Variants in DUSP4 observed in about 807,000 individuals in gnomAD.
DUSP4 encodes dual specificity phosphatase 4, also known as dual specificity protein phosphatase 4.
A neutral mutation model predicts 27.2 loss-of-function variants in DUSP4; 12 were observed. The ratio of observed to expected loss-of-function variants is 0.44; its 90% CI spans 0.28 to 0.71. DUSP4 has a LOEUF of 0.71. Ranked by LOEUF, DUSP4 falls within the 30% of genes least tolerant of loss-of-function variation. The pLI, the probability that DUSP4 is intolerant of heterozygous loss-of-function variation, is 0.14. For synonymous variants in DUSP4, 257 were observed against 245.2 expected (o/e 1.05, Z -0.45); for missense variants, 448 against 551.3 (o/e 0.81, Z 1.88).
intron 2 of DUSP4, among the ~76,000 whole-genome samples, chr8:29,339,048 T>G (rs1159829452): frequency 6.6e-6 from 1 of 152,128 alleles, no homozygotes; most frequent in African/African-American, 2.4e-5. Flanking sequence ...GCTGGCATGA[T>G]GGTGCACACC....
chr8:29,338,599 AC>A (rs1446710288), intron 2 of DUSP4, 98 bp from the exon 3 acceptor site: 1 of 1,363,096 alleles, frequency 7.3e-7, no homozygotes, highest in Admixed American at 2.1e-5. Flanking sequence ...TCCTTTCCAA[AC>A]CCAGGGAGAA....
At position 29,350,163 on chromosome 8, in the gene DUSP4, A is replaced by C. The variant is rs766528684; in HGVS notation, c.116T>G (p.Leu39Arg). The change falls in exon 1 of 4, where the codon CTG (leucine) becomes CGG (arginine). Residue 39 changes from leucine to arginine, a missense_variant. Coordinates refer to ENST00000240100, the MANE Select transcript of DUSP4 (RefSeq NM_001394.7). Reference protein sequence around the residue: ...GGSGSHGTLGLPSGGKCLLLD... With the variant: ...GGSGSHGTLGRPSGGKCLLLD... ...CAGCAGGCACTTGCCGCCGCTCGGC[A>C]GCCCCAGGGTGCCGTGGCTGCCGCT... 1 of 1,609,336 alleles carries C rather than the reference A, an allele frequency of 6.2e-7. No individual in the cohort carries two copies. The highest frequency in any genetic ancestry group is 8.5e-7 in the Non-Finnish European group (1 of 1,178,976).
rs1381638697 is a variant in DUSP4 at position 29,334,992 on chromosome 8, G to C, written c.*2034C>G. The C allele has an allele frequency of 6.6e-6, 1 of 152,196 alleles. No homozygotes were observed. Among genetic ancestry groups the C allele is most frequent in the African/African-American group, 2.4e-5 (1 of 41,428 alleles). The allele number at this position is 152,196 out of a possible 1,614,324, so 9.4% of individuals were successfully genotyped here. ...CAACCTTGTCCTGTCTAGGATGCCA[G>C]ATGAGAAAGAGTATCCCAACGTGAC... On this transcript the variant is annotated 3_prime_UTR_variant, in exon 4 of 4. Transcript: ENST00000240100.
At chr8:29,348,234 C>A in intron 1 of DUSP4, 1 of 985,586 alleles carries the variant, frequency 1.0e-6, no homozygotes, top group Non-Finnish European at 1.2e-6. Flanking sequence ...ACATCCCGGC[C>A]AGCCCCGGCC....
chr8:29,347,881 A>G (rs528560913), intron 1 of DUSP4: 3 of 985,596 alleles, frequency 3.0e-6, no homozygotes, highest in East Asian at 1.1e-4. Flanking sequence ...GAGGTTGGGG[A>G]GGGAGGACTC....
Position 29,335,900 on chromosome 8 carries a change from C to T in DUSP4, c.*1126G>A, listed in dbSNP as rs1370562743. The T allele has an allele frequency of 1.3e-5, 2 of 152,202 alleles. No homozygotes were observed. The highest frequency in any genetic ancestry group is 2.4e-5 in the African/African-American group (1 of 41,436). 9.4% of individuals were successfully genotyped at this position (152,202 alleles called of 1,614,324 possible). A position where few individuals can be genotyped will look rare whatever the true frequency, so the allele number is the denominator to read the frequency against. On this transcript the variant is annotated 3_prime_UTR_variant, in exon 4 of 4. Coordinates refer to ENST00000240100, the MANE Select transcript of DUSP4 (RefSeq NM_001394.7). Reference sequence around the variant, plus strand: ...GATCATCGGAGGGAAAAAAGCTTGACTTACTGTGGTCTAAAATTGCTTCGG... The same window carrying T: ...GATCATCGGAGGGAAAAAAGCTTGATTTACTGTGGTCTAAAATTGCTTCGG...
intron 1 of DUSP4, among the ~76,000 whole-genome samples, chr8:29,343,827 A>G (rs904552253): frequency 2.0e-5 from 3 of 152,196 alleles, no homozygotes; most frequent in African/African-American, 7.2e-5. Context: ...CTGGGTCACA[A>G]TATAAATTAA....
At chr8:29,343,819 G>A (rs1817688814) in intron 1 of DUSP4, among the ~76,000 whole-genome samples, 1 of 152,176 alleles carries the variant, frequency 6.6e-6, no homozygotes, top group Non-Finnish European at 1.5e-5. Flanking sequence ...TCCCTCTCCT[G>A]GGTCACAATA....
chr8:29,347,500 A>G (rs1407927139), intron 1 of DUSP4, among the ~76,000 whole-genome samples: 2 of 152,198 alleles, frequency 1.3e-5, no homozygotes, highest in East Asian at 1.9e-4. Context: ...AGATTCCCCC[A>G]CCTCTCAATT....
In DUSP4 at chr8:29,336,903, G is replaced by A; in HGVS notation, c.*123C>T. 1 of 1,387,374 alleles carries A rather than the reference G, an allele frequency of 7.2e-7. No homozygotes were observed. The highest frequency in any genetic ancestry group is 9.5e-7 in the Non-Finnish European group (1 of 1,056,266). 85.9% of individuals were successfully genotyped at this position (1,387,374 alleles called of 1,614,324 possible). ...GGCTGGCCTCGTCGTTGGCCAAGGA[G>A]AAATGATGGGGAAGGAGCTCGGTCG... On this transcript the variant is annotated 3_prime_UTR_variant, in exon 4 of 4. Coordinates refer to ENST00000240100, the MANE Select transcript of DUSP4 (RefSeq NM_001394.7).
chr8:29,347,797 G>T (rs1011167484), intron 1 of DUSP4: 2 of 985,456 alleles, frequency 2.0e-6, no homozygotes, highest in African/African-American at 3.5e-5. Flanking sequence ...TTACCTAGAG[G>T]CCTGTACTAC....
At chr8:29,338,798 G>A (rs1192867988) in intron 2 of DUSP4, among the ~76,000 whole-genome samples, 1 of 152,310 alleles carries the variant, frequency 6.6e-6, no homozygotes, top group East Asian at 1.9e-4. Context: ...GACAATGCCG[G>A]CCTTATGGCA....
intron 2 of DUSP4, among the ~76,000 whole-genome samples, chr8:29,339,515 G>T (rs929116771): frequency 1.3e-5 from 2 of 152,152 alleles, no homozygotes; most frequent in East Asian, 1.9e-4. Context: ...GCTTCTGGAG[G>T]CCTCCTCACT....
At chr8:29,344,056 G>A (rs1460005284) in intron 1 of DUSP4, among the ~76,000 whole-genome samples, 1 of 152,186 alleles carries the variant, frequency 6.6e-6, no homozygotes, top group East Asian at 1.9e-4. Flanking sequence ...CCCCTAGCAG[G>A]TGTGCAAGGA....
intron 1 of DUSP4, among the ~76,000 whole-genome samples, chr8:29,341,407 C>T (rs755595768): frequency 1.3e-5 from 2 of 152,216 alleles, no homozygotes; most frequent in South Asian, 2.1e-4. Context: ...CAAATCCCAA[C>T]CCTAAAGACT....
At chr8:29,338,633 C>T (rs1817613849) in intron 2 of DUSP4, 132 bp from the exon 3 acceptor site, 2 of 990,842 alleles carry the variant, frequency 2.0e-6, no homozygotes, top group African/African-American at 1.6e-5. Context: ...CTGGCCCTCC[C>T]AGCCTCCCCC....
At chr8:29,339,663 G>A (rs1457251150) in intron 2 of DUSP4, among the ~76,000 whole-genome samples, 1 of 152,068 alleles carries the variant, frequency 6.6e-6, no homozygotes, top group African/African-American at 2.4e-5. Context: ...CAATACTCCG[G>A]GTTCACCGCA....
intron 1 of DUSP4, chr8:29,347,735 T>C (rs1817755395): frequency 2.0e-6 from 2 of 984,862 alleles, no homozygotes; most frequent in South Asian, 9.4e-5. Flanking sequence ...GCCCTTAAAG[T>C]ACTTCTCTTA....
At position 29,334,212 on chromosome 8, in the gene DUSP4, A is replaced by T. The variant is rs1817536874; in HGVS notation, c.*2814T>A. 1 of 152,238 alleles carries T rather than the reference A, an allele frequency of 6.6e-6. No homozygotes were observed. The highest frequency in any genetic ancestry group is 6.5e-5 in the Admixed American group (1 of 15,288). 9.4% of individuals were successfully genotyped at this position (152,238 alleles called of 1,614,324 possible). ...CCAAAGTTGACAATCAATGAGGGTC[A>T]ATGCTTTCCTGTCATTACAGAAACT... is the stretch of plus-strand genomic sequence containing the variant. On this transcript the variant is annotated 3_prime_UTR_variant, in exon 4 of 4. Coordinates refer to ENST00000240100, the MANE Select transcript of DUSP4 (RefSeq NM_001394.7).
Sources: allele counts gnomAD v4.1 joint callset (sites outside exome capture counted in the v4.1 genomes callset), GRCh38; gene constraint gnomAD v4.1.1; transcripts MANE v1.5; gene names NCBI Gene and HGNC (gene_info 2026-07-23, HGNC 2026-07-21).